Variants in ZNF704 observed in about 807,000 individuals in gnomAD.
The protein encoded by ZNF704 is glucocorticoid induced gene 1.
A neutral mutation model predicts 44.7 loss-of-function variants in ZNF704; 10 were observed. The observed-to-expected ratio is 0.22, with a 90% CI of 0.14 to 0.38. ZNF704 has a LOEUF of 0.38. Among genes scored for constraint, ZNF704 ranks in the 10% least tolerant of loss-of-function variants. The probability of loss-of-function intolerance (pLI) is 1.00; values close to 1 mark genes in which losing one functional copy is unlikely to be tolerated. For missense variants in ZNF704, 390 were observed against 545.5 expected (o/e 0.71, Z 2.84); for synonymous variants, 211 against 207.6 (o/e 1.02, Z -0.14).
chr8:80,654,534 A>G (rs1203219495), intron 7 of ZNF704, among the ~76,000 whole-genome samples: 1 of 152,268 alleles, frequency 6.6e-6, no homozygotes, highest in Non-Finnish European at 1.5e-5. Context: ...GGCGAAGGAT[A>G]TGAACAGACA....
At chr8:80,766,725 T>G (rs1807234313) in intron 2 of ZNF704, among the ~76,000 whole-genome samples, 1 of 152,188 alleles carries the variant, frequency 6.6e-6, no homozygotes. Context: ...TTATTTTTTA[T>G]TTTTTGTGAC....
intron 2 of ZNF704, among the ~76,000 whole-genome samples, chr8:80,709,742 T>C (rs1195269625): frequency 6.6e-6 from 1 of 152,004 alleles, no homozygotes; most frequent in Non-Finnish European, 1.5e-5. Context: ...AGGGCTCCTG[T>C]GTCAGGTAGG....
At chr8:80,652,274 A>G (rs1195232527) in intron 7 of ZNF704, among the ~76,000 whole-genome samples, 1 of 152,130 alleles carries the variant, frequency 6.6e-6, no homozygotes, top group African/African-American at 2.4e-5. Flanking sequence ...AAGCAAGAGC[A>G]AACACATTCA....
chr8:80,712,066 C>T (rs1200359041), intron 2 of ZNF704, among the ~76,000 whole-genome samples: 1 of 152,216 alleles, frequency 6.6e-6, no homozygotes, highest in East Asian at 1.9e-4. Context: ...CAACAATGTT[C>T]GGAGGTGAGA....
intron 2 of ZNF704, among the ~76,000 whole-genome samples, chr8:80,816,481 A>C (rs1165268935): frequency 6.6e-6 from 1 of 152,204 alleles, no homozygotes; most frequent in Non-Finnish European, 1.5e-5. Flanking sequence ...ACATGGATGA[A>C]CCTTTCAAAC....
At chr8:80,772,480 G>C (rs1172921144) in intron 2 of ZNF704, among the ~76,000 whole-genome samples, 1 of 152,114 alleles carries the variant, frequency 6.6e-6, no homozygotes, top group Non-Finnish European at 1.5e-5. Flanking sequence ...AGGGGAAGCA[G>C]GCACATCTTA....
Position 80,630,291 on chromosome 8 carries a change from A to G in ZNF704, c.*11075T>C, listed in dbSNP as rs1198060225. Reference sequence around the variant, plus strand: ...ATTTCAAAAGATCTCTAAACATTGGACAGCATTGCCACCTAGCTTTTGAGT... The same window carrying G: ...ATTTCAAAAGATCTCTAAACATTGGGCAGCATTGCCACCTAGCTTTTGAGT... On this transcript the variant is annotated 3_prime_UTR_variant, in exon 9 of 9. Coordinates refer to ENST00000327835, the MANE Select transcript of ZNF704 (RefSeq NM_001033723.3). 5 of 152,228 alleles carry G rather than the reference A, an allele frequency of 3.3e-5. No individual in the cohort carries two copies. The highest frequency in any genetic ancestry group is 1.2e-4 in the African/African-American group (5 of 41,460). The allele number at this position is 152,228 out of a possible 1,614,324, so 9.4% of individuals were successfully genotyped here. A position where few individuals can be genotyped will look rare whatever the true frequency, so the allele number is the denominator to read the frequency against.
rs765424653 is a variant in ZNF704 at position 80,670,635 on chromosome 8, A to C, written c.559-32T>G. The C allele has an allele frequency of 2.8e-6, 4 of 1,446,976 alleles. No homozygotes were observed. The African/African-American group carries it at 5.6e-5, about 20-fold the overall frequency. The allele number at this position is 1,446,976 out of a possible 1,614,324, so 89.6% of individuals were successfully genotyped here. A position where few individuals can be genotyped will look rare whatever the true frequency, so the allele number is the denominator to read the frequency against. On this transcript the variant is annotated intron_variant, in intron 4 of 8. Transcript: ENST00000327835. Reference sequence around the variant, plus strand: ...AGGGGAGAGAGTGATATTAGAATGGAAACTATTTTCTAACAACATTTTCTT... The same window carrying C: ...AGGGGAGAGAGTGATATTAGAATGGCAACTATTTTCTAACAACATTTTCTT...
chr8:80,882,734 C>A, the ZNF704 span, among the ~76,000 whole-genome samples: 3 of 152,132 alleles, frequency 2.0e-5, no homozygotes, highest in Non-Finnish European at 2.9e-5. Context: ...TGACCTGCAG[C>A]AAGTCTTCAT....
chr8:80,818,952 T>A (rs1465985293), intron 2 of ZNF704, among the ~76,000 whole-genome samples: 1 of 152,178 alleles, frequency 6.6e-6, no homozygotes, highest in Non-Finnish European at 1.5e-5. Context: ...TTGATCATTA[T>A]AATCCACAAT....
Position 80,636,905 on chromosome 8 carries a change from A to T in ZNF704, c.*4461T>A, listed in dbSNP as rs1322214251. The T allele has an allele frequency of 6.6e-6, 1 of 152,262 alleles. No homozygotes were observed. The highest frequency in any genetic ancestry group is 1.5e-5 in the Non-Finnish European group (1 of 68,050). 9.4% of individuals were successfully genotyped at this position (152,262 alleles called of 1,614,324 possible). ...TATTAAAGCAAAATGTACATCGTTC[A>T]CGGCTTGCTTTCGCCTACGGAATTC... On this transcript the variant is annotated 3_prime_UTR_variant, in exon 9 of 9. Coordinates refer to ENST00000327835, the MANE Select transcript of ZNF704 (RefSeq NM_001033723.3).
intron 1 of ZNF704, among the ~76,000 whole-genome samples, chr8:80,857,330 G>C (rs1808979606): frequency 6.6e-6 from 1 of 152,060 alleles, no homozygotes. Context: ...ATTACCTTTT[G>C]CTATTAAATG....
intron 2 of ZNF704, among the ~76,000 whole-genome samples, chr8:80,802,294 C>A (rs1807915267): frequency 6.6e-6 from 1 of 151,694 alleles, no homozygotes; most frequent in African/African-American, 2.4e-5. Context: ...GAAACTATTC[C>A]AAAAAACTGA....
chr8:80,694,606 T>C (rs980554316), intron 2 of ZNF704, among the ~76,000 whole-genome samples: 6 of 152,188 alleles, frequency 3.9e-5, no homozygotes, highest in Admixed American at 2.6e-4. Context: ...AGAAACTTCA[T>C]AGCACTGCTT....
chr8:80,802,194 C>CAAAAAA (rs748625927), intron 2 of ZNF704, among the ~76,000 whole-genome samples: 3 of 82,526 alleles, frequency 3.6e-5, no homozygotes, highest in African/African-American at 9.4e-5. Flanking sequence ...GCCTACCAAC[C>CAAAAAA]AAAAAAAAAA....
intron 2 of ZNF704, among the ~76,000 whole-genome samples, chr8:80,739,909 C>T (rs1806728615): frequency 1.3e-5 from 2 of 152,326 alleles, no homozygotes; most frequent in Admixed American, 6.5e-5. Flanking sequence ...TCAGAAGCCA[C>T]TAACCAGATG....
intron 7 of ZNF704, among the ~76,000 whole-genome samples, chr8:80,651,477 C>T (rs1327752561): frequency 6.6e-6 from 1 of 152,148 alleles, no homozygotes; most frequent in Admixed American, 6.5e-5. Context: ...GAAAGATCTA[C>T]CAAGCAAATG....
chr8:80,706,261 G>C (rs1368876115), intron 2 of ZNF704, among the ~76,000 whole-genome samples: 1 of 152,052 alleles, frequency 6.6e-6, no homozygotes, highest in Non-Finnish European at 1.5e-5. Context: ...CATGGTGATA[G>C]CAGTTATTTC....
chr8:80,698,354 A>G (rs1243634293), intron 2 of ZNF704, among the ~76,000 whole-genome samples: 1 of 152,208 alleles, frequency 6.6e-6, no homozygotes, highest in African/African-American at 2.4e-5. Flanking sequence ...GTGTTGCCTC[A>G]GAGGACAGAA....
Sources: gnomAD v4.1 joint callset for allele counts (sites outside exome capture counted in the v4.1 genomes callset) on GRCh38, gnomAD v4.1.1 for gene constraint, MANE v1.5 for transcripts, NCBI Gene and HGNC (gene_info 2026-07-23, HGNC 2026-07-21) for gene names.